The following USH2A variants were observed in gnomAD, a reference collection of about 807,000 sequenced individuals.
USH2A encodes the protein usherin.
In USH2A, 443 loss-of-function variants were observed where a neutral mutation model predicts 538.9. That is an observed-to-expected ratio of 0.82 (90% CI 0.76 to 0.89). The LOEUF (loss-of-function observed/expected upper bound fraction) is 0.89. USH2A is among the 40% of genes least tolerant of loss of function. USH2A has a pLI of 0.00. For synonymous variants in USH2A, 2,413 were observed against 2,273.5 expected, an observed-to-expected ratio of 1.06 and a Z score of -1.75; for missense variants, 6,633 against 6,324.8, an observed-to-expected ratio of 1.05 and a Z score of -1.65.
At position 216,207,349 on chromosome 1, in the gene USH2A, T is replaced by C; in HGVS notation, c.3240A>G (p.Pro1080=). Residue 1080 remains proline (P), a synonymous_variant, in exon 16 of 72, where the codon CCA becomes CCG. Transcript: ENST00000307340. The part of the protein sequence containing the change: ...INLSWSPPDS[P]NAHWLTYSLL... The stretch of plus-strand genomic sequence containing the variant: ...AACTGTAAGTAAGCCAGTGGGCATT[T>C]GGAGAATCAGGTGGACTCCAGGAGA... The C allele has an allele frequency of 6.2e-7, 1 of 1,614,072 alleles. No individual in the cohort carries two copies. Among genetic ancestry groups the C allele is most frequent in the Non-Finnish European group, 8.5e-7 (1 of 1,179,954 alleles).
chr1:216,064,269 T>G (rs1262647087), intron 30 of USH2A, among the ~76,000 whole-genome samples: 1 of 152,198 alleles, frequency 6.6e-6, no homozygotes, highest in East Asian at 1.9e-4. Context: ...GAGCCCATCC[T>G]GGCAGCTCAG....
In USH2A at chr1:216,185,441, G is replaced by C. The variant is rs577024733; in HGVS notation, c.4396+4782C>G. On this transcript the variant is annotated intron_variant, in intron 20 of 71. Coordinates refer to ENST00000307340, the MANE Select transcript of USH2A (RefSeq NM_206933.4). ...ATTTTTGAGACCGAGATTTAAGGGG[G>C]CAACATATCTTTTCATGATTCAAAT... Among the ~76,000 whole-genome samples, 10 of 151,954 alleles carry C rather than the reference G, an allele frequency of 6.6e-5. No individual in the cohort carries two copies. In the South Asian group the frequency reaches 1.0e-3, roughly 16 times the overall value.
At chr1:215,696,359 G>C (rs149193312) in intron 61 of USH2A, among the ~76,000 whole-genome samples, 180 of 152,278 alleles carry the variant, frequency 1.2e-3, no homozygotes, top group African/African-American at 4.0e-3. Flanking sequence ...AAGTGGACCT[G>C]TTCAAACCTG....
chr1:215,900,320 A>T (rs750323456), intron 39 of USH2A, 103 bp from the exon 40 acceptor site: 1 of 1,213,588 alleles, frequency 8.2e-7, no homozygotes, highest in Non-Finnish European at 1.2e-6. Flanking sequence ...GTCAACATAC[A>T]TTTAAGTATT....
intron 4 of USH2A, among the ~76,000 whole-genome samples, chr1:216,335,387 G>GA (rs1171389764): frequency 6.6e-6 from 1 of 150,774 alleles, no homozygotes; most frequent in African/African-American, 2.4e-5. Context: ...ACTAGAAAAA[G>GA]AAAAACAAAC....
intron 19 of USH2A, among the ~76,000 whole-genome samples, chr1:216,190,668 G>C (rs2034696863): frequency 6.6e-6 from 1 of 151,918 alleles, no homozygotes; most frequent in African/African-American, 2.4e-5. Flanking sequence ...CAATGGTAGA[G>C]ATAAAGACGG....
intron 32 of USH2A, among the ~76,000 whole-genome samples, chr1:216,003,571 C>T (rs1343367125): frequency 6.6e-6 from 1 of 151,862 alleles, no homozygotes; most frequent in Non-Finnish European, 1.5e-5. Flanking sequence ...AGAGAGGGAA[C>T]AAGCAGAGCA....
intron 47 of USH2A, among the ~76,000 whole-genome samples, chr1:215,817,703 C>T (rs900564603): frequency 6.6e-6 from 1 of 151,860 alleles, no homozygotes; most frequent in Admixed American, 6.6e-5. Context: ...TCTTTCTTTC[C>T]GCTAAACATG....
chr1:215,797,390 A>G (rs960948664), intron 50 of USH2A, among the ~76,000 whole-genome samples: 1 of 152,226 alleles, frequency 6.6e-6, no homozygotes, highest in African/African-American at 2.4e-5. Flanking sequence ...ACAGATCTTC[A>G]TTGTAGATGA....
chr1:216,175,428 T>C lies in USH2A; in HGVS notation c.4451A>G (p.His1484Arg), dbSNP rs138803991. ...TTCTTCAGGTGGAAACCACCTAAGATGGATTGTTGTGCTGTTGATTCCTTT... is the reference window on the plus strand; with the variant it reads ...TTCTTCAGGTGGAAACCACCTAAGACGGATTGTTGTGCTGTTGATTCCTTT... ...LVKGINSTTI[H>R]LRWFPPEELN... Residue 1484 changes from histidine to arginine, a missense_variant, in exon 21 of 72, where the codon CAT becomes CGT. By Grantham distance (29) the His-to-Arg change is conservative. Transcript: ENST00000307340. 2.5e-6 allele frequency: 4 copies of C among 1,613,712 alleles called. No individual in the cohort carries two copies. Among genetic ancestry groups the C allele is most frequent in the Non-Finnish European group, 3.4e-6 (4 of 1,179,890 alleles).
At chr1:215,770,408 C>G (rs1249176504) in intron 55 of USH2A, among the ~76,000 whole-genome samples, 1 of 147,162 alleles carries the variant, frequency 6.8e-6, no homozygotes, top group South Asian at 2.1e-4. Context: ...TGTAGTTGCT[C>G]AAAACGAAAA....
intron 15 of USH2A, among the ~76,000 whole-genome samples, chr1:216,211,809 G>T (rs1034542656): frequency 4.0e-5 from 6 of 151,838 alleles, no homozygotes; most frequent in African/African-American, 1.4e-4. Context: ...TGGTCACTTT[G>T]ATCGGTTGAA....
At chr1:216,062,650 G>A (rs1045417436) in intron 30 of USH2A, among the ~76,000 whole-genome samples, 1 of 152,108 alleles carries the variant, frequency 6.6e-6, no homozygotes, top group African/African-American at 2.4e-5. Context: ...TCCAATGTAA[G>A]GATATGTTTT....
intron 40 of USH2A, among the ~76,000 whole-genome samples, chr1:215,893,998 C>A (rs1665265977): frequency 6.6e-6 from 1 of 152,068 alleles, no homozygotes; most frequent in African/African-American, 2.4e-5. Flanking sequence ...TGAAAACATG[C>A]AGAACCATTT....
At position 215,817,177 on chromosome 1, in the gene USH2A, CCAAT is replaced by C. The variant is rs748200691; in HGVS notation, c.9386_9389del (p.Asp3129GlyfsTer30). On this transcript the variant is annotated frameshift_variant, in exon 48 of 72. Transcript: ENST00000307340. LOFTEE classifies it high-confidence loss of function. ...TGCCATTTGGCTTCCGTGGAGACACCCAATCAATTTGAAGAGATCTGCAACAGAG... is the reference window on the plus strand; with the variant it reads ...TGCCATTTGGCTTCCGTGGAGACACCCAATTTGAAGAGATCTGCAACAGAG... 1 of 1,611,914 alleles carries C rather than the reference CCAAT, an allele frequency of 6.2e-7. No homozygotes were observed. Among genetic ancestry groups the C allele is most frequent in the Non-Finnish European group, 8.5e-7 (1 of 1,178,622 alleles).
chr1:215,765,177 C>T (rs1361892853), intron 56 of USH2A, among the ~76,000 whole-genome samples: 1 of 152,020 alleles, frequency 6.6e-6, no homozygotes, highest in Admixed American at 6.6e-5. Flanking sequence ...GGTTGAGTTT[C>T]AGCCAAATCT....
At chr1:216,316,112 G>T (rs1226447726) in intron 9 of USH2A, among the ~76,000 whole-genome samples, 1 of 152,022 alleles carries the variant, frequency 6.6e-6, no homozygotes, top group African/African-American at 2.4e-5. Flanking sequence ...ATACAAAAAT[G>T]TATCGGAGTT....
chr1:215,845,933 A>C lies in USH2A; in HGVS notation c.8946T>G (p.His2982Gln). The C allele has an allele frequency of 6.2e-7, 1 of 1,613,954 alleles. No homozygotes were observed. The highest frequency in any genetic ancestry group is 1.7e-4 in the Middle Eastern group (1 of 6,058). ...TGTTTGGCTTTAGGTGGCCAATGACATGAGAGTTTACATCTGGCAAGATTT... is the reference window on the plus strand; with the variant it reads ...TGTTTGGCTTTAGGTGGCCAATGACCTGAGAGTTTACATCTGGCAAGATTT... ...SLKILPDVNS[H>Q]VIGHLKPNTE... Residue 2982 changes from histidine (H) to glutamine (Q), a missense_variant, in exon 45 of 72, where the codon CAT becomes CAG. Coordinates refer to ENST00000307340, the MANE Select transcript of USH2A (RefSeq NM_206933.4).
intron 37 of USH2A, among the ~76,000 whole-genome samples, chr1:215,935,497 T>C (rs1666469593): frequency 6.6e-6 from 1 of 151,982 alleles, no homozygotes. Flanking sequence ...AGAATCACTT[T>C]TAATACATCC....
Sources: allele counts gnomAD v4.1 joint callset (sites outside exome capture counted in the v4.1 genomes callset), GRCh38; gene constraint gnomAD v4.1.1; transcripts MANE v1.5; gene names NCBI Gene and HGNC (gene_info 2026-07-23, HGNC 2026-07-21).